Variants in TRAPPC9 observed in about 807,000 individuals in gnomAD.
The protein encoded by TRAPPC9 is trafficking protein particle complex subunit 9, also known as IKK2 binding protein.
TRAPPC9 carries 83 observed loss-of-function variants against 124.0 expected under a neutral mutation model. The observed-to-expected ratio is 0.67, with a 90% confidence interval of 0.56 to 0.80. The LOEUF (loss-of-function observed/expected upper bound fraction) is 0.80. Among genes scored for constraint, TRAPPC9 ranks in the 30% least tolerant of loss-of-function variants. TRAPPC9 has a pLI of 0.00. For synonymous variants in TRAPPC9, 638 were observed against 617.5 expected (o/e 1.03, Z -0.49); for missense variants, 1,302 against 1,508.3 (o/e 0.86, Z 2.27).
At chr8:140,444,035 C>CAAAAAAAA (rs35121401) in intron 2 of TRAPPC9, among the ~76,000 whole-genome samples, 1 of 40,912 alleles carries the variant, frequency 2.4e-5, no homozygotes, top group Non-Finnish European at 4.1e-5. Flanking sequence ...GACTCCATCT[C>CAAAAAAAA]AAAAAAAAAA....
At chr8:139,860,753 G>A (rs1828078872) in intron 21 of TRAPPC9, among the ~76,000 whole-genome samples, 1 of 152,244 alleles carries the variant, frequency 6.6e-6, no homozygotes, top group Admixed American at 6.5e-5. Context: ...ACCAATGCCT[G>A]TCGCCGTCCG....
chr8:139,744,717 C>T (rs981652943), intron 21 of TRAPPC9, among the ~76,000 whole-genome samples: 1 of 152,320 alleles, frequency 6.6e-6, no homozygotes, highest in East Asian at 1.9e-4. Flanking sequence ...TAAACCAGGA[C>T]GCCTCTTCCC....
At chr8:139,877,890 G>A (rs1563885495) in intron 21 of TRAPPC9, among the ~76,000 whole-genome samples, 1 of 152,196 alleles carries the variant, frequency 6.6e-6, no homozygotes, top group Non-Finnish European at 1.5e-5. Flanking sequence ...AGGGTGCAGC[G>A]GAGGCTGTGC....
intron 15 of TRAPPC9, among the ~76,000 whole-genome samples, chr8:140,256,455 CTT>C (rs1328143834): frequency 6.6e-6 from 1 of 152,198 alleles, no homozygotes. Context: ...AGGTAACTGA[CTT>C]TCTTCCTTCC....
chr8:140,058,847 GAGCCGAGTC>G (rs2132126205), intron 17 of TRAPPC9, among the ~76,000 whole-genome samples: 1 of 152,290 alleles, frequency 6.6e-6, no homozygotes, highest in South Asian at 2.1e-4. Flanking sequence ...AAAGAGCTGG[GAGCCGAGTC>G]AGGAGAGTCG....
intron 15 of TRAPPC9, among the ~76,000 whole-genome samples, chr8:140,266,660 T>C (rs10106474): frequency 0.63 from 96,096 of 151,450 alleles, 30,870 homozygotes; most frequent in East Asian, 0.76. Flanking sequence ...AGACAGAGAC[T>C]ATCCTGGCTA....
At chr8:140,171,003 G>A (rs1053012287) in intron 17 of TRAPPC9, among the ~76,000 whole-genome samples, 3 of 152,172 alleles carry the variant, frequency 2.0e-5, no homozygotes, top group Non-Finnish European at 2.9e-5. Flanking sequence ...CTGACACCTG[G>A]CCAGCCACAT....
intron 20 of TRAPPC9, among the ~76,000 whole-genome samples, 189 bp downstream of exon 20, chr8:139,909,958 C>G (rs918403596): frequency 1.3e-5 from 2 of 152,196 alleles, no homozygotes; most frequent in East Asian, 3.8e-4. Context: ...AATACTGCTC[C>G]GAGTGGGGCC....
At chr8:139,900,735 C>T (rs1305666259) in intron 20 of TRAPPC9, among the ~76,000 whole-genome samples, 2 of 152,082 alleles carry the variant, frequency 1.3e-5, no homozygotes, top group East Asian at 3.8e-4. Flanking sequence ...TTCTGTAAGG[C>T]CATTAGCAGT....
chr8:140,057,543 G>A (rs147361101), intron 17 of TRAPPC9, among the ~76,000 whole-genome samples: 5 of 152,330 alleles, frequency 3.3e-5, no homozygotes, highest in East Asian at 1.9e-4. Flanking sequence ...CTACAACATG[G>A]ATGAGGCTTG....
rs114100232 is a variant in TRAPPC9 at position 139,982,479 on chromosome 8, T to C, written c.2810+6247A>G. Reference sequence around the variant, plus strand: ...TCCCAACACTGCCCCGGGGTAGAAATACAAGTTAATACAGATCTCCAGCTG... The same window carrying C: ...TCCCAACACTGCCCCGGGGTAGAAACACAAGTTAATACAGATCTCCAGCTG... On this transcript the variant is annotated intron_variant, in intron 19 of 22. Coordinates refer to ENST00000438773, the MANE Select transcript of TRAPPC9 (RefSeq NM_001160372.4). Among the ~76,000 whole-genome samples, 544 of 152,224 alleles carry C rather than the reference T, an allele frequency of 3.6e-3. 3 individuals carry two copies. The highest frequency in any genetic ancestry group is 0.013 in the African/African-American group (525 of 41,536).
chr8:140,190,440 A>T (rs1358720610), intron 17 of TRAPPC9, among the ~76,000 whole-genome samples: 1 of 151,950 alleles, frequency 6.6e-6, no homozygotes, highest in Non-Finnish European at 1.5e-5. Context: ...CTTGGGCGAC[A>T]GAGCCAGACT....
intron 17 of TRAPPC9, among the ~76,000 whole-genome samples, chr8:140,189,826 A>G (rs1003566471): frequency 1.3e-5 from 2 of 152,028 alleles, no homozygotes; most frequent in Non-Finnish European, 1.5e-5. Context: ...AGCTCTCTCT[A>G]TGGTCTTATC....
At chr8:140,035,204 C>T (rs976866482) in intron 17 of TRAPPC9, among the ~76,000 whole-genome samples, 1 of 152,244 alleles carries the variant, frequency 6.6e-6, no homozygotes, top group Non-Finnish European at 1.5e-5. Flanking sequence ...GCAATTAGGA[C>T]ATTTTCCATT....
chr8:140,015,388 G>C (rs995467019), intron 18 of TRAPPC9, among the ~76,000 whole-genome samples: 1 of 152,184 alleles, frequency 6.6e-6, no homozygotes, highest in Admixed American at 6.5e-5. Context: ...CTTCACCTGT[G>C]AGCAAAATGA....
chr8:140,098,430 C>T (rs2060497507), intron 17 of TRAPPC9: 1 of 151,560 alleles, frequency 6.6e-6, no homozygotes, highest in Admixed American at 6.6e-5. Context: ...TCAAGCGCGG[C>T]TTCAGCAGCA....
intron 17 of TRAPPC9, among the ~76,000 whole-genome samples, chr8:140,041,302 A>T (rs1421423674): frequency 1.3e-5 from 2 of 152,220 alleles, no homozygotes; most frequent in East Asian, 1.9e-4. Flanking sequence ...AAGTGTCCAA[A>T]TGATTAGAGC....
At chr8:140,117,807 GT>G (rs2060917961) in intron 17 of TRAPPC9, among the ~76,000 whole-genome samples, 1 of 152,244 alleles carries the variant, frequency 6.6e-6, no homozygotes, top group South Asian at 2.1e-4. Context: ...TAAGCTTGAT[GT>G]TTTTTTCTCT....
intron 17 of TRAPPC9, among the ~76,000 whole-genome samples, chr8:140,220,010 G>C (rs1180168665): frequency 6.6e-6 from 1 of 152,194 alleles, no homozygotes; most frequent in Admixed American, 6.5e-5. Context: ...CAAAGCTCCA[G>C]GGCACCTGGG....
Sources: gnomAD v4.1 joint callset for allele counts (sites outside exome capture counted in the v4.1 genomes callset) on GRCh38, gnomAD v4.1.1 for gene constraint, MANE v1.5 for transcripts, NCBI Gene and HGNC (gene_info 2026-07-23, HGNC 2026-07-21) for gene names.